CCDC7: variants seen among roughly 807,000 people sequenced by gnomAD.
CCDC7 encodes coiled-coil domain-containing protein 7.
Under a neutral mutation model 196.9 loss-of-function variants are expected in CCDC7, and 183 were observed. The observed-to-expected ratio is 0.93, with a 90% CI of 0.82 to 1.05. The LOEUF (loss-of-function observed/expected upper bound fraction) is 1.05, where lower values mean the gene tolerates loss of function less well. CCDC7 is among the 50% of genes least tolerant of loss of function. The probability of loss-of-function intolerance (pLI) is 0.00; values close to 1 mark genes in which losing one functional copy is unlikely to be tolerated. For missense variants in CCDC7, 1,540 were observed against 1,482.2 expected, an observed-to-expected ratio of 1.04 and a Z score of -0.64; for synonymous variants, 525 against 484.6, an observed-to-expected ratio of 1.08 and a Z score of -1.10.
At chr10:32,567,837 G>T in exon 15 of CCDC7, 1 of 1,613,396 alleles carries the variant, frequency 6.2e-7, no homozygotes, top group Non-Finnish European at 8.5e-7. Context: ...GAAAATCACT[G>T]GTTTCAGATT....
At chr10:32,719,297 G>C (rs1052515040) in intron 25 of CCDC7, among the ~76,000 whole-genome samples, 7 of 152,140 alleles carry the variant, frequency 4.6e-5, no homozygotes, top group Non-Finnish European at 1.0e-4. Context: ...TTTAATAAAT[G>C]GTGTTGGGAA....
intron 24 of CCDC7, among the ~76,000 whole-genome samples, chr10:32,708,621 C>A: frequency 6.6e-6 from 1 of 152,026 alleles, no homozygotes; most frequent in Non-Finnish European, 1.5e-5. Flanking sequence ...AACAAATTTA[C>A]AAGAAAAAAT....
intron 37 of CCDC7, among the ~76,000 whole-genome samples, chr10:32,847,002 C>A (rs2093325531): frequency 6.6e-6 from 1 of 152,142 alleles, no homozygotes; most frequent in African/African-American, 2.4e-5. Flanking sequence ...ATACAATTTT[C>A]TTTATCTCTG....
At chr10:32,659,267 C>A (rs917585602) in intron 20 of CCDC7, among the ~76,000 whole-genome samples, 7 of 152,016 alleles carry the variant, frequency 4.6e-5, no homozygotes, top group African/African-American at 1.7e-4. Flanking sequence ...TTTTGATTTT[C>A]CTTTTTATTT....
At chr10:32,459,696 C>T (rs1474091760) in intron 3 of CCDC7, among the ~76,000 whole-genome samples, 4 of 102,998 alleles carry the variant, frequency 3.9e-5, no homozygotes, top group South Asian at 3.1e-4. Flanking sequence ...CTTCAAATAC[C>T]CTAATAGTTT....
At chr10:32,846,571 T>TA (rs2093307011) in intron 37 of CCDC7, 112 bp downstream of exon 38, 1 of 599,370 alleles carries the variant, frequency 1.7e-6, no homozygotes, top group Non-Finnish European at 2.9e-6. Flanking sequence ...GTTACATAGG[T>TA]AAAATTCATC....
At chr10:32,489,754 G>C (rs1404910691) in intron 8 of CCDC7, among the ~76,000 whole-genome samples, 1 of 152,122 alleles carries the variant, frequency 6.6e-6, no homozygotes, top group Admixed American at 6.5e-5. Flanking sequence ...TAGGGCCTGG[G>C]GTGGGGCTAG....
At chr10:32,688,948 A>T in intron 22 of CCDC7, 105 bp from the exon 24 acceptor site, 2 of 717,086 alleles carry the variant, frequency 2.8e-6, no homozygotes, top group South Asian at 1.7e-5. Flanking sequence ...TCATAACTTT[A>T]CAAAAATGAG....
At chr10:32,494,177 G>GT (rs1564448528) in intron 9 of CCDC7, among the ~76,000 whole-genome samples, 3 of 151,820 alleles carry the variant, frequency 2.0e-5, no homozygotes, top group Non-Finnish European at 4.4e-5. Context: ...CAGGTTTTAC[G>GT]TTTAAGTTTT....
chr10:32,815,531 G>A (rs2088245595), intron 31 of CCDC7, among the ~76,000 whole-genome samples: 1 of 151,916 alleles, frequency 6.6e-6, no homozygotes, highest in South Asian at 2.1e-4. Flanking sequence ...TAATATAATG[G>A]GAATACCAGA....
intron 37 of CCDC7, 81 bp downstream of exon 38, chr10:32,846,540 C>T: frequency 1.2e-6 from 1 of 807,266 alleles, no homozygotes; most frequent in Non-Finnish European, 2.0e-6. Context: ...CATTTAATGA[C>T]AATAGTGCCT....
At chr10:32,861,080 CA>C (rs1276826116) in intron 41 of CCDC7, among the ~76,000 whole-genome samples, 7 of 73,034 alleles carry the variant, frequency 9.6e-5, no homozygotes, top group Non-Finnish European at 1.8e-4. Context: ...CATTTGGAAC[CA>C]AAAAAGAGCC....
chr10:32,794,516 C>T (rs140074472), intron 29 of CCDC7, among the ~76,000 whole-genome samples: 1 of 152,268 alleles, frequency 6.6e-6, no homozygotes, highest in African/African-American at 2.4e-5. Flanking sequence ...TCCACAGTGG[C>T]TGAACTAAGT....
At chr10:32,745,837 T>C (rs1253773209) in intron 28 of CCDC7, among the ~76,000 whole-genome samples, 4 of 152,170 alleles carry the variant, frequency 2.6e-5, no homozygotes, top group Non-Finnish European at 5.9e-5. Flanking sequence ...TCATCCTAAC[T>C]CTAAGCATAT....
chr10:32,552,153 T>C (rs2053580552), intron 13 of CCDC7, among the ~76,000 whole-genome samples: 1 of 152,244 alleles, frequency 6.6e-6, no homozygotes, highest in Non-Finnish European at 1.5e-5. Context: ...TTACAAAATA[T>C]CCTTCTTTGT....
At chr10:32,761,198 A>G (rs902932740) in intron 28 of CCDC7, among the ~76,000 whole-genome samples, 3 of 152,032 alleles carry the variant, frequency 2.0e-5, no homozygotes, top group Admixed American at 2.0e-4. Flanking sequence ...GAATACAGAA[A>G]GCACAGTGTC....
chr10:32,637,430 T>A (rs991110585), intron 20 of CCDC7, among the ~76,000 whole-genome samples: 9 of 152,216 alleles, frequency 5.9e-5, no homozygotes, highest in East Asian at 1.9e-4. Flanking sequence ...AGGGATCCAG[T>A]TTCAGCTTTC....
intron 8 of CCDC7, among the ~76,000 whole-genome samples, chr10:32,485,466 T>C (rs1589062950): frequency 6.6e-6 from 1 of 152,266 alleles, no homozygotes. Context: ...CATTGAATTT[T>C]TGAAGGGTTT....
chr10:32,589,225 C>T (rs1371906152), intron 18 of CCDC7, among the ~76,000 whole-genome samples: 1 of 152,092 alleles, frequency 6.6e-6, no homozygotes, highest in Non-Finnish European at 1.5e-5. Flanking sequence ...ATTTTTAGCT[C>T]CCACAAATAA....
Sources: gnomAD v4.1 joint callset for allele counts (sites outside exome capture counted in the v4.1 genomes callset) on GRCh38, gnomAD v4.1.1 for gene constraint, MANE v1.5 for transcripts, NCBI Gene and HGNC (gene_info 2026-07-23, HGNC 2026-07-21) for gene names.